Variants in SYNE1 observed in about 807,000 individuals in gnomAD.
The protein encoded by SYNE1 is nesprin-1.
SYNE1 carries 616 observed loss-of-function variants against 1,111.0 expected under a neutral mutation model. The observed-to-expected ratio is 0.55, with a 90% CI of 0.52 to 0.59. The LOEUF is 0.59. Among genes scored for constraint, SYNE1 ranks in the 20% least tolerant of loss-of-function variants. The pLI, the probability that SYNE1 is intolerant of heterozygous loss-of-function variation, is 0.00. For missense variants in SYNE1, 10,006 were observed against 10,417.0 expected, an observed-to-expected ratio of 0.96 and a Z score of 1.72; for synonymous variants, 3,855 against 3,825.8, an observed-to-expected ratio of 1.01 and a Z score of -0.28.
intron 123 of SYNE1, among the ~76,000 whole-genome samples, chr6:152,212,861 A>G (rs2077787316): frequency 6.6e-6 from 1 of 151,966 alleles, no homozygotes; most frequent in Admixed American, 6.6e-5. Context: ...TTTTTCTATT[A>G]TTTCATCATC....
chr6:152,415,870 AC>A (rs1477252428), intron 41 of SYNE1, among the ~76,000 whole-genome samples: 1 of 151,624 alleles, frequency 6.6e-6, no homozygotes, highest in Non-Finnish European at 1.5e-5. Flanking sequence ...AGTATCTGAG[AC>A]AGGTCTCAAT....
chr6:152,157,794 T>C (rs1247771335), intron 131 of SYNE1, among the ~76,000 whole-genome samples: 1 of 151,648 alleles, frequency 6.6e-6, no homozygotes, highest in Non-Finnish European at 1.5e-5. Context: ...AGTCTCACTC[T>C]GTCGCCCAGG....
At chr6:152,610,339 C>T (rs1027740151) in intron 3 of SYNE1, among the ~76,000 whole-genome samples, 3 of 151,980 alleles carry the variant, frequency 2.0e-5, no homozygotes, top group African/African-American at 7.3e-5. Flanking sequence ...ATGAGAACTT[C>T]GAGATGCATA....
chr6:152,450,261 TG>T lies in SYNE1; in HGVS notation c.3395+363del, dbSNP rs536029417. Reference sequence around the variant, plus strand: ...TGTTTGCTTCCCCTTCTGGCATGATTGTAAGTTTCCTGAGGCCTCCCCAGCC... The same window carrying T: ...TGTTTGCTTCCCCTTCTGGCATGATTTAAGTTTCCTGAGGCCTCCCCAGCC... On this transcript the variant is annotated intron_variant, in intron 27 of 145. Coordinates refer to ENST00000367255, the MANE Select transcript of SYNE1 (RefSeq NM_182961.4). Among the ~76,000 whole-genome samples the T allele has an allele frequency of 1.6e-4, 24 of 152,342 alleles. No homozygotes were observed. The East Asian group carries it at 4.5e-3, about 28-fold the overall frequency.
chr6:152,435,393 G>C (rs2098464522), intron 33 of SYNE1: 1 of 148,804 alleles, frequency 6.7e-6, no homozygotes, highest in Admixed American at 6.7e-5. Flanking sequence ...TTTTTTTTCA[G>C]ATAAACAAAC....
chr6:152,621,254 C>T (rs2099674674), intron 3 of SYNE1, among the ~76,000 whole-genome samples: 1 of 152,082 alleles, frequency 6.6e-6, no homozygotes, highest in South Asian at 2.1e-4. Context: ...ATATGGAATC[C>T]CAGCCAAAGA....
In SYNE1 at chr6:152,362,343, A is replaced by G. The variant is rs775752370; in HGVS notation, c.10146-20T>C. ...AGTTGGCTGAAAGGGATTTGAAAGG[A>G]CAATAAATCCACATTGAGAATCCTT... On this transcript the variant is annotated intron_variant, in intron 63 of 145. Transcript: ENST00000367255. 4 of 1,614,186 alleles carry G rather than the reference A, an allele frequency of 2.5e-6. No individual in the cohort carries two copies. In the South Asian group the frequency reaches 4.4e-5, roughly 18 times the overall value.
chr6:152,387,362 T>C lies in SYNE1; in HGVS notation c.8197A>G (p.Ser2733Gly), dbSNP rs1393964611. The change falls in exon 54 of 146, where the codon AGC becomes GGC. Residue 2733 changes from serine to glycine, a missense_variant. Ser to Gly is a moderately conservative substitution (Grantham distance 56, BLOSUM62 0). Coordinates refer to ENST00000367255, the MANE Select transcript of SYNE1 (RefSeq NM_182961.4). ...CTCTCTACATAGTCATTCCATTGGC[T>C]AATCACAGACTCTAAAGTGCTAGAA... Reference protein sequence around the residue: ...HAQSTLESVISQWNDYVERKN... With the variant: ...HAQSTLESVIGQWNDYVERKN... 6.2e-7 allele frequency: 1 copy of C among 1,614,146 alleles called. No homozygotes were observed. Among genetic ancestry groups the C allele is most frequent in the Admixed American group, 1.7e-5 (1 of 60,020 alleles).
chr6:152,434,075 C>A, intron 33 of SYNE1, 130 bp from the exon 34 acceptor site: 3 of 857,030 alleles, frequency 3.5e-6, no homozygotes, highest in East Asian at 2.7e-5. Flanking sequence ...AAACTATTCA[C>A]GCTAAAAAAA....
chr6:152,231,276 G>A (rs2082694000), intron 114 of SYNE1, 115 bp downstream of exon 114: 1 of 1,072,054 alleles, frequency 9.3e-7, no homozygotes, highest in South Asian at 1.3e-5. Flanking sequence ...GGTATTATTG[G>A]AAGCGTTCTT....
At chr6:152,635,543 C>A (rs1410275810) in intron 2 of SYNE1, among the ~76,000 whole-genome samples, 1 of 152,088 alleles carries the variant, frequency 6.6e-6, no homozygotes, top group Non-Finnish European at 1.5e-5. Context: ...CGTCATGACT[C>A]GTGATTAAAT....
At chr6:152,470,924 C>T (rs772531238) in intron 16 of SYNE1, among the ~76,000 whole-genome samples, 18 of 152,090 alleles carry the variant, frequency 1.2e-4, no homozygotes, top group Non-Finnish European at 2.4e-4. Context: ...CTATAATACA[C>T]TAATTACATG....
chr6:152,509,248 C>CTTTTTTTTTTTTTTT, intron 8 of SYNE1, among the ~76,000 whole-genome samples: 1 of 75,802 alleles, frequency 1.3e-5, no homozygotes, highest in African/African-American at 4.8e-5. Flanking sequence ...TTTTCTTTTT[C>CTTTTTTTTTTTTTTT]TTTTTTTTTT....
intron 63 of SYNE1, chr6:152,363,922 C>T: frequency 2.9e-6 from 1 of 343,390 alleles, no homozygotes; most frequent in Non-Finnish European, 5.8e-6. Flanking sequence ...CAGTTGCTCA[C>T]AACGGTGGGC....
chr6:152,398,768 A>C (rs759356595), intron 48 of SYNE1, 37 bp from the exon 49 acceptor site: 1 of 1,545,872 alleles, frequency 6.5e-7, no homozygotes, highest in South Asian at 1.2e-5. Flanking sequence ...AAAATAAAAA[A>C]TCAGAAGCAA....
intron 3 of SYNE1, 108 bp from the exon 4 acceptor site, chr6:152,540,129 T>A: frequency 1.8e-6 from 2 of 1,113,960 alleles, no homozygotes; most frequent in South Asian, 2.6e-5. Context: ...AATCGTTTTC[T>A]CATTCATTTT....
intron 3 of SYNE1, among the ~76,000 whole-genome samples, chr6:152,607,420 AT>A (rs71705314): frequency 0.1 from 15,193 of 149,590 alleles, 863 homozygotes; most frequent in African/African-American, 0.16. Context: ...TGATGTCAAG[AT>A]TTTTTTTTTT....
chr6:152,560,536 C>T (rs973216469), intron 3 of SYNE1, among the ~76,000 whole-genome samples: 2 of 152,090 alleles, frequency 1.3e-5, no homozygotes, highest in Non-Finnish European at 2.9e-5. Context: ...CCAATCTTTC[C>T]CAAACTGTTT....
In SYNE1 at chr6:152,201,926, TC is replaced by T; in HGVS notation, c.23042del (p.Gly7681GlufsTer2). 1 of 1,613,976 alleles carries T rather than the reference TC, an allele frequency of 6.2e-7. No individual in the cohort carries two copies. Among genetic ancestry groups the T allele is most frequent in the Non-Finnish European group, 8.5e-7 (1 of 1,179,870 alleles). On this transcript the variant is annotated frameshift_variant, in exon 127 of 146. Transcript: ENST00000367255. LOFTEE classifies it high-confidence loss of function. ...LLKDWEKCEK[G>X]IADSLEKLRT... ...GTAGTTTCTCCAGGGAATCTGCTAT[TC>T]CTTTCTCACATTTTTCCCAGTCCTA... is the stretch of plus-strand genomic sequence containing the variant.
Sources: allele counts gnomAD v4.1 joint callset (sites outside exome capture counted in the v4.1 genomes callset), GRCh38; gene constraint gnomAD v4.1.1; transcripts MANE v1.5; gene names NCBI Gene and HGNC (gene_info 2026-07-23, HGNC 2026-07-21).